Variants in UMAD1 observed in about 807,000 individuals in gnomAD.
The protein encoded by UMAD1 is UBAP1-MVB12-associated (UMA) domain containing 1, also known as UBAP1-MVB12-associated (UMA)-domain containing protein 1.
A neutral mutation model predicts 6.1 loss-of-function variants in UMAD1; 8 were observed. The observed-to-expected ratio is 1.30, with a 90% CI of 0.76 to 2.35. The LOEUF (loss-of-function observed/expected upper bound fraction) is 2.35. Among genes scored for constraint, UMAD1 ranks in the 30% most tolerant of loss-of-function variants. UMAD1 has a pLI of 0.00. For missense variants in UMAD1, 130 were observed against 78.4 expected, an observed-to-expected ratio of 1.66 and a Z score of -2.49; for synonymous variants, 56 against 31.4, an observed-to-expected ratio of 1.78 and a Z score of -2.61.
intron 2 of UMAD1, among the ~76,000 whole-genome samples, chr7:7,698,480 A>G (rs1185601826): frequency 2.6e-5 from 4 of 152,218 alleles, no homozygotes; most frequent in African/African-American, 4.8e-5. Flanking sequence ...CTAGAACCAG[A>G]TCCACCTGAT....
intron 2 of UMAD1, among the ~76,000 whole-genome samples, chr7:7,796,240 C>CTTTTTTTTT (rs1782675248): frequency 3.1e-5 from 3 of 95,980 alleles, no homozygotes; most frequent in African/African-American, 1.1e-4. Flanking sequence ...TTTCTATTTT[C>CTTTTTTTTT]TTTCTTTTTT....
At chr7:7,670,805 A>C (rs1489306238) in intron 1 of UMAD1, among the ~76,000 whole-genome samples, 8 of 152,208 alleles carry the variant, frequency 5.3e-5, no homozygotes, top group African/African-American at 1.9e-4. Context: ...AAGGCGAACA[A>C]AGGGAGAGAG....
intron 2 of UMAD1, among the ~76,000 whole-genome samples, chr7:7,722,371 A>C (rs1447163903): frequency 6.6e-6 from 1 of 152,066 alleles, no homozygotes; most frequent in Non-Finnish European, 1.5e-5. Flanking sequence ...AATAATGCGA[A>C]GGACTCTACT....
At chr7:7,831,628 C>T (rs1023579848) in intron 3 of UMAD1, among the ~76,000 whole-genome samples, 5 of 152,114 alleles carry the variant, frequency 3.3e-5, no homozygotes, top group Middle Eastern at 3.2e-3. Context: ...CGTTGAGAGC[C>T]CGGAACTGGG....
chr7:7,812,655 C>T (rs73054041), intron 3 of UMAD1, among the ~76,000 whole-genome samples: 5,145 of 152,132 alleles, frequency 0.034, 146 homozygotes, highest in Non-Finnish European at 0.056. Flanking sequence ...ATTTAAAAAA[C>T]GATATATAAT....
intron 2 of UMAD1, among the ~76,000 whole-genome samples, chr7:7,794,320 A>G (rs892089934): frequency 2.0e-5 from 3 of 152,188 alleles, no homozygotes; most frequent in Non-Finnish European, 2.9e-5. Context: ...GGGAGGAAAA[A>G]GGAACAGATG....
At chr7:7,855,693 T>C (rs1423806686) in intron 3 of UMAD1, among the ~76,000 whole-genome samples, 1 of 152,210 alleles carries the variant, frequency 6.6e-6, no homozygotes, top group African/African-American at 2.4e-5. Flanking sequence ...ATTTTCCTCA[T>C]TGTTGGGTAT....
At chr7:7,689,735 A>G (rs1211028359) in intron 2 of UMAD1, among the ~76,000 whole-genome samples, 1 of 152,172 alleles carries the variant, frequency 6.6e-6, no homozygotes, top group Non-Finnish European at 1.5e-5. Context: ...AATAGTCTGG[A>G]GTTCAATTTT....
intron 2 of UMAD1, among the ~76,000 whole-genome samples, chr7:7,701,590 G>C (rs545731439): frequency 2.1e-4 from 32 of 152,244 alleles, no homozygotes; most frequent in South Asian, 1.0e-3. Flanking sequence ...CTCTGTGTCT[G>C]TGCTTTTCTG....
At chr7:7,768,349 G>T (rs1013752251) in intron 2 of UMAD1, among the ~76,000 whole-genome samples, 2 of 152,082 alleles carry the variant, frequency 1.3e-5, no homozygotes, top group African/African-American at 4.8e-5. Context: ...TTTCTTAACT[G>T]CAGTCTAACA....
chr7:7,781,773 C>G (rs1268585232), intron 2 of UMAD1, among the ~76,000 whole-genome samples: 1 of 151,410 alleles, frequency 6.6e-6, no homozygotes, highest in Non-Finnish European at 1.5e-5. Context: ...ACAGTTTTTC[C>G]CTTATAATAC....
chr7:7,816,199 A>G (rs61450886), intron 3 of UMAD1, among the ~76,000 whole-genome samples: 31,486 of 151,670 alleles, frequency 0.21, 3,210 homozygotes, highest in Middle Eastern at 0.26. Flanking sequence ...CAAAAAAAAC[A>G]GTAACATTAA....
chr7:7,772,759 G>C (rs1782125660), intron 2 of UMAD1, among the ~76,000 whole-genome samples: 1 of 152,162 alleles, frequency 6.6e-6, no homozygotes, highest in African/African-American at 2.4e-5. Flanking sequence ...AAAAACATTT[G>C]CTTTTTAATC....
chr7:7,797,670 A>G (rs933098703), intron 2 of UMAD1, among the ~76,000 whole-genome samples: 19 of 151,570 alleles, frequency 1.3e-4, no homozygotes, highest in African/African-American at 4.4e-4. Context: ...ACATCCTTAT[A>G]TAGCTAAAAC....
chr7:7,760,258 C>T lies in UMAD1; in HGVS notation c.83-41412C>T, dbSNP rs1047377468. 6.7e-4 allele frequency among the ~76,000 whole-genome samples: 102 copies of T among 152,054 alleles called. 3 individuals are homozygous for T. Among genetic ancestry groups the T allele is most frequent in the Admixed American group, 5.8e-3 (89 of 15,266 alleles). ...TTCAACTGTTTTCTGACTACCAGTA[C>T]CCTAGAGCAACCTCTAACATCACTA... On this transcript the variant is annotated intron_variant, in intron 2 of 3. Transcript: ENST00000682710.
At chr7:7,725,523 A>G (rs775893938) in intron 2 of UMAD1, among the ~76,000 whole-genome samples, 4 of 152,158 alleles carry the variant, frequency 2.6e-5, no homozygotes, top group African/African-American at 7.2e-5. Flanking sequence ...TCCTTTTGAG[A>G]GACAGCTCTT....
chr7:7,808,001 A>G (rs545316988), intron 3 of UMAD1, among the ~76,000 whole-genome samples: 7 of 152,128 alleles, frequency 4.6e-5, no homozygotes, highest in Middle Eastern at 3.4e-3. Flanking sequence ...GATTTTTACT[A>G]AGTTGTGCAT....
At chr7:7,846,491 A>G (rs1190391446) in intron 3 of UMAD1, among the ~76,000 whole-genome samples, 2 of 152,154 alleles carry the variant, frequency 1.3e-5, no homozygotes, top group Non-Finnish European at 2.9e-5. Context: ...TTACAAATAC[A>G]ATGTTCATAA....
At chr7:7,658,050 A>C (rs1041300808) in intron 1 of UMAD1, among the ~76,000 whole-genome samples, 14 of 152,080 alleles carry the variant, frequency 9.2e-5, no homozygotes, top group African/African-American at 3.4e-4. Flanking sequence ...TTGGATTCCT[A>C]GGTATTTTAT....
Sources: gnomAD v4.1 joint callset for allele counts (sites outside exome capture counted in the v4.1 genomes callset) on GRCh38, gnomAD v4.1.1 for gene constraint, MANE v1.5 for transcripts, NCBI Gene and HGNC (gene_info 2026-07-23, HGNC 2026-07-21) for gene names.